Variants in BAIAP2L1 observed in about 807,000 individuals in gnomAD.
BAIAP2L1 encodes the protein BAR/IMD domain-containing adapter protein 2-like 1.
Under a neutral mutation model 66.3 loss-of-function variants are expected in BAIAP2L1, and 35 were observed. The ratio of observed to expected loss-of-function variants is 0.53; its 90% CI spans 0.40 to 0.70. BAIAP2L1 has a LOEUF of 0.70. BAIAP2L1 is among the 30% of genes least tolerant of loss of function. BAIAP2L1 has a pLI of 0.00. For synonymous variants in BAIAP2L1, 269 were observed against 248.7 expected (o/e 1.08, Z -0.77); for missense variants, 622 against 656.9 (o/e 0.95, Z 0.58).
intron 3 of BAIAP2L1, among the ~76,000 whole-genome samples, chr7:98,354,253 G>A (rs938908280): frequency 2.0e-5 from 3 of 151,854 alleles, no homozygotes; most frequent in East Asian, 1.9e-4. Context: ...CAACCCCATC[G>A]AGAAACCATG....
chr7:98,307,334 A>AAC (rs1226409427), intron 10 of BAIAP2L1: 2 of 1,000,836 alleles, frequency 2.0e-6, no homozygotes, highest in Non-Finnish European at 2.5e-6. Flanking sequence ...TGGAACTCCT[A>AAC]ACCTCAGGTG....
intron 1 of BAIAP2L1, among the ~76,000 whole-genome samples, chr7:98,376,651 T>A (rs1345914634): frequency 4.5e-5 from 6 of 132,224 alleles, no homozygotes; most frequent in African/African-American, 1.4e-4. Flanking sequence ...AGAAACCCCA[T>A]CTTTACAAAA....
At chr7:98,340,432 C>A (rs942923244) in intron 3 of BAIAP2L1, among the ~76,000 whole-genome samples, 1 of 151,624 alleles carries the variant, frequency 6.6e-6, no homozygotes. Flanking sequence ...GGACTACAGG[C>A]GCCCGCCACC....
At position 98,292,827 on chromosome 7, in the gene BAIAP2L1, C is replaced by T. The variant is rs896065782; in HGVS notation, c.*694G>A. Reference sequence around the variant, plus strand: ...GCCTGTGTCCTGGATGGGCCGTGTGCAGCGAATCCGTTGGCGACTCCTAAC... The same window carrying T: ...GCCTGTGTCCTGGATGGGCCGTGTGTAGCGAATCCGTTGGCGACTCCTAAC... On this transcript the variant is annotated 3_prime_UTR_variant, in exon 14 of 14. Coordinates refer to ENST00000005260, the MANE Select transcript of BAIAP2L1 (RefSeq NM_018842.5). 6.8e-7 allele frequency: 1 copy of T among 1,478,358 alleles called. No individual in the cohort carries two copies. The highest frequency in any genetic ancestry group is 9.0e-7 in the Non-Finnish European group (1 of 1,111,572). 91.6% of individuals were successfully genotyped at this position (1,478,358 alleles called of 1,614,324 possible).
In BAIAP2L1 at chr7:98,305,055, T is replaced by TG. The variant is rs1282190610; in HGVS notation, c.1242-680_1242-679insC. ...TAATTTTTTTGTTTTTTGTTTTTTT[T>TG]TTTTTTTTTTTTTTTAGTAGAGACG... On this transcript the variant is annotated intron_variant, in intron 11 of 13. Transcript: ENST00000005260. 5.0e-5 allele frequency among the ~76,000 whole-genome samples: 7 copies of TG among 139,730 alleles called. No homozygotes were observed. In the South Asian group the frequency reaches 1.3e-3, roughly 27 times the overall value. The allele number at this position is 139,730 out of a possible 152,430, so 91.7% of individuals were successfully genotyped here. A position where few individuals can be genotyped will look rare whatever the true frequency, so the allele number is the denominator to read the frequency against.
chr7:98,311,929 C>T lies in BAIAP2L1; in HGVS notation c.807+168G>A, dbSNP rs548489226. 4.1e-4 allele frequency among the ~76,000 whole-genome samples: 63 copies of T among 152,238 alleles called. 1 individual carries two copies. The highest frequency in any genetic ancestry group is 5.1e-4 in the Non-Finnish European group (35 of 68,010). ...CACCTTAACAACAACAAAAAACAAA[C>T]ATGTGCCCAGCTACCTTCGCCCCTA... On this transcript the variant is annotated intron_variant, in intron 8 of 13. Transcript: ENST00000005260.
intron 1 of BAIAP2L1, among the ~76,000 whole-genome samples, chr7:98,366,993 G>A (rs1244784696): frequency 6.6e-6 from 1 of 152,052 alleles, no homozygotes. Context: ...TTGGGCTCAA[G>A]TGATCCTCCT....
chr7:98,332,155 G>C (rs1040075466), intron 3 of BAIAP2L1, among the ~76,000 whole-genome samples: 1 of 151,022 alleles, frequency 6.6e-6, no homozygotes, highest in Non-Finnish European at 1.5e-5. Flanking sequence ...GGCTGAGGCG[G>C]GTGGATCACT....
At chr7:98,302,215 C>T (rs937319174) in intron 12 of BAIAP2L1, among the ~76,000 whole-genome samples, 5 of 152,182 alleles carry the variant, frequency 3.3e-5, no homozygotes, top group Non-Finnish European at 5.9e-5. Flanking sequence ...GTAAGAATGG[C>T]GGCGACAGTA....
chr7:98,315,671 A>G (rs1326531057), intron 6 of BAIAP2L1, 59 bp from the exon 7 acceptor site: 3 of 899,270 alleles, frequency 3.3e-6, no homozygotes, highest in Non-Finnish European at 4.4e-6. Context: ...AGCATCAGAT[A>G]GCGTGCAGCC....
intron 2 of BAIAP2L1, among the ~76,000 whole-genome samples, chr7:98,355,606 G>A (rs1243928371): frequency 1.3e-5 from 2 of 151,638 alleles, no homozygotes; most frequent in Non-Finnish European, 2.9e-5. Context: ...GAGTGTGCCT[G>A]CAGTCCCAGC....
At chr7:98,398,942 C>T (rs1419000136) in intron 1 of BAIAP2L1, among the ~76,000 whole-genome samples, 1 of 152,152 alleles carries the variant, frequency 6.6e-6, no homozygotes, top group East Asian at 1.9e-4. Flanking sequence ...GGACATCAGA[C>T]TCTGCCTCAA....
In BAIAP2L1 at chr7:98,315,525, G is replaced by A. The variant is rs773272850; in HGVS notation, c.574C>T (p.Arg192Cys). The A allele has an allele frequency of 1.7e-5, 26 of 1,521,524 alleles. No homozygotes were observed. Among genetic ancestry groups the A allele is most frequent in the Non-Finnish European group, 2.0e-5 (22 of 1,127,606 alleles). 94.3% of individuals were successfully genotyped at this position (1,521,524 alleles called of 1,614,324 possible). Reference protein sequence around the residue: ...CKEALLEEKRRFCFLVDKHCG... With the variant: ...CKEALLEEKRCFCFLVDKHCG... ...TGCTTATCAACCAGAAAGCAGAAGC[G>A]CCTCTTCTCTTCAAGCAGAGCCTCT... The change falls in exon 7 of 14, where the codon CGC (arginine) becomes TGC (cysteine). Residue 192 changes from arginine (R) to cysteine (C), a missense_variant. Coordinates refer to ENST00000005260, the MANE Select transcript of BAIAP2L1 (RefSeq NM_018842.5).
chr7:98,360,142 C>G (rs139970160), intron 2 of BAIAP2L1, among the ~76,000 whole-genome samples: 2 of 152,062 alleles, frequency 1.3e-5, no homozygotes, highest in Admixed American at 1.3e-4. Context: ...AGGCTGGTTT[C>G]GAACTTCTGA....
chr7:98,366,605 G>A (rs1204759677), intron 1 of BAIAP2L1, among the ~76,000 whole-genome samples: 2 of 152,166 alleles, frequency 1.3e-5, no homozygotes, highest in Non-Finnish European at 2.9e-5. Context: ...ATTGGGTATT[G>A]TTTTTAATTC....
At chr7:98,348,693 A>ATG (rs1477424973) in intron 3 of BAIAP2L1, among the ~76,000 whole-genome samples, 1 of 152,200 alleles carries the variant, frequency 6.6e-6, no homozygotes, top group Admixed American at 6.5e-5. Flanking sequence ...ATATTTGCGA[A>ATG]TGTGTGAAGT....
At chr7:98,339,254 T>C (rs1562776026) in intron 3 of BAIAP2L1, among the ~76,000 whole-genome samples, 2 of 152,138 alleles carry the variant, frequency 1.3e-5, no homozygotes, top group Non-Finnish European at 2.9e-5. Flanking sequence ...GGGTTCCAAT[T>C]TCTCTGCATC....
chr7:98,292,949 G>C lies in BAIAP2L1; in HGVS notation c.*572C>G, dbSNP rs561637864. The C allele has an allele frequency of 8.0e-7, 1 of 1,244,400 alleles. No individual in the cohort carries two copies. 77.1% of individuals were successfully genotyped at this position (1,244,400 alleles called of 1,614,324 possible). Reference sequence around the variant, plus strand: ...CGTCTTAGCACTCTACAGCTCTGGCGTGGTTGGAGGGAGGGTGGGGGTTTC... The same window carrying C: ...CGTCTTAGCACTCTACAGCTCTGGCCTGGTTGGAGGGAGGGTGGGGGTTTC... On this transcript the variant is annotated 3_prime_UTR_variant, in exon 14 of 14. Coordinates refer to ENST00000005260, the MANE Select transcript of BAIAP2L1 (RefSeq NM_018842.5).
intron 6 of BAIAP2L1, 35 bp from the exon 7 acceptor site, chr7:98,315,647 A>AAT (rs755582174): frequency 2.2e-5 from 23 of 1,062,968 alleles, no homozygotes; most frequent in Admixed American, 4.0e-5. Context: ...TAATAATTAT[A>AAT]TAAGCATGAC....
Sources: allele counts gnomAD v4.1 joint callset (sites outside exome capture counted in the v4.1 genomes callset), GRCh38; gene constraint gnomAD v4.1.1; transcripts MANE v1.5; gene names NCBI Gene and HGNC (gene_info 2026-07-23, HGNC 2026-07-21).